Variants in MET observed in about 807,000 individuals in gnomAD.
MET encodes hepatocyte growth factor receptor.
Under a neutral mutation model 133.1 loss-of-function variants are expected in MET, and 48 were observed. The observed-to-expected ratio is 0.36, with a 90% CI of 0.29 to 0.46. MET has a LOEUF of 0.46. MET is among the 20% of genes least tolerant of loss of function. MET has a pLI of 1.00. For missense variants in MET, 1,442 were observed against 1,695.9 expected, an observed-to-expected ratio of 0.85 and a Z score of 2.63; for synonymous variants, 628 against 616.5, an observed-to-expected ratio of 1.02 and a Z score of -0.28.
chr7:116,731,347 T>C (rs7804632), intron 2 of MET, among the ~76,000 whole-genome samples: 6,534 of 152,326 alleles, frequency 0.043, 174 homozygotes, highest in African/African-American at 0.069. Flanking sequence ...GCTAGAAGCA[T>C]TACCTTTGTG....
In MET at chr7:116,672,471, C is replaced by A. The variant is rs897063794; in HGVS notation, c.-121C>A. The A allele has an allele frequency of 1.0e-5, 4 of 397,932 alleles. No homozygotes were observed. Among genetic ancestry groups the A allele is most frequent in the African/African-American group, 4.1e-5 (2 of 48,582 alleles). The allele number at this position is 397,932 out of a possible 1,614,324, so 24.7% of individuals were successfully genotyped here. A position where few individuals can be genotyped will look rare whatever the true frequency, so the allele number is the denominator to read the frequency against. On this transcript the variant is annotated 5_prime_UTR_variant, in exon 1 of 21. Coordinates refer to ENST00000397752, the MANE Select transcript of MET (RefSeq NM_000245.4). ...TGCGGAGCCGAGTGGAGGGCGCGAG[C>A]CAGATGCGGGGCGACAGCTGACTTG... is the stretch of plus-strand genomic sequence containing the variant.
At chr7:116,747,942 C>T (rs1266779693) in intron 5 of MET, among the ~76,000 whole-genome samples, 3 of 152,228 alleles carry the variant, frequency 2.0e-5, no homozygotes, top group East Asian at 1.9e-4. Flanking sequence ...AATTAGAACT[C>T]GAGTTTAAGA....
In MET at chr7:116,767,974, A is replaced by ATGTGTG. The variant is rs36013546; in HGVS notation, c.2584-1643_2584-1638dup. Reference sequence around the variant, plus strand: ...GCTTCTAATATGCATATATATATATATGTGTGTGTGTGTGTGTGTGTGTGT... The same window carrying ATGTGTG: ...GCTTCTAATATGCATATATATATATATGTGTGTGTGTGTGTGTGTGTGTGTGTGTGT... On this transcript the variant is annotated intron_variant, in intron 11 of 20. Transcript: ENST00000397752. Among the ~76,000 whole-genome samples the ATGTGTG allele has an allele frequency of 3.6e-4, 51 of 140,238 alleles. No individual in the cohort carries two copies. In the East Asian group the frequency reaches 5.1e-3, roughly 14 times the overall value. The allele number at this position is 140,238 out of a possible 152,430, so 92.0% of individuals were successfully genotyped here. A position where few individuals can be genotyped will look rare whatever the true frequency, so the allele number is the denominator to read the frequency against.
At chr7:116,729,379 T>C (rs1439279034) in intron 2 of MET, among the ~76,000 whole-genome samples, 1 of 152,214 alleles carries the variant, frequency 6.6e-6, no homozygotes, top group East Asian at 1.9e-4. Flanking sequence ...GCATTTTAGG[T>C]GGTTTTTAAT....
intron 5 of MET, among the ~76,000 whole-genome samples, chr7:116,747,569 G>A (rs1250623264): frequency 6.6e-6 from 1 of 152,168 alleles, no homozygotes; most frequent in Non-Finnish European, 1.5e-5. Context: ...ACAACCAGAA[G>A]AGCTAACTAT....
intron 11 of MET, among the ~76,000 whole-genome samples, chr7:116,768,760 A>G (rs60935558): frequency 0.017 from 2,655 of 152,240 alleles, 86 homozygotes; most frequent in African/African-American, 0.061. Context: ...TGTCACCTCA[A>G]AATAATAGCT....
intron 6 of MET, among the ~76,000 whole-genome samples, chr7:116,756,286 A>G (rs1192060925): frequency 6.6e-6 from 1 of 151,814 alleles, no homozygotes; most frequent in East Asian, 1.9e-4. Flanking sequence ...GAAATTATTC[A>G]TTATCACATA....
At chr7:116,705,229 C>T (rs1791741113) in intron 2 of MET, among the ~76,000 whole-genome samples, 1 of 152,076 alleles carries the variant, frequency 6.6e-6, no homozygotes, top group Non-Finnish European at 1.5e-5. Context: ...TAATTGCAGC[C>T]TTCCATCAGG....
At chr7:116,769,596 T>G in intron 11 of MET, 49 bp from the exon 12 acceptor site, 1 of 1,603,588 alleles carries the variant, frequency 6.2e-7, no homozygotes, top group Non-Finnish European at 8.5e-7. Flanking sequence ...TTAGCATTCC[T>G]GCAGAACTGT....
rs199761604 is a variant in MET, at chr7:116,731,771, G to A, written c.1304G>A (p.Ser435Asn). 3 of 1,614,128 alleles carry A rather than the reference G, an allele frequency of 1.9e-6. No individual in the cohort carries two copies. Among genetic ancestry groups the A allele is most frequent in the South Asian group, 2.2e-5 (2 of 91,084 alleles). Residue 435 changes from serine to asparagine, a missense_variant, in exon 3 of 21, where the codon AGC becomes AAC. Physicochemically the swap from Ser to Asn is conservative, Grantham distance 46. Coordinates refer to ENST00000397752, the MANE Select transcript of MET (RefSeq NM_000245.4). ...GTTGACTTATTCATGGGTCAATTCA[G>A]CGAAGTCCTCTTAACATCTATATCC... ...QRVDLFMGQF[S>N]EVLLTSISTF...
chr7:116,788,883 G>T (rs1562938432), intron 19 of MET, among the ~76,000 whole-genome samples: 1 of 152,102 alleles, frequency 6.6e-6, no homozygotes, highest in Non-Finnish European at 1.5e-5. Context: ...TACTCTTTAA[G>T]TCCATTCAAA....
At chr7:116,760,032 C>G (rs959979677) in intron 10 of MET, among the ~76,000 whole-genome samples, 1 of 152,196 alleles carries the variant, frequency 6.6e-6, no homozygotes, top group Non-Finnish European at 1.5e-5. Flanking sequence ...CCACCTCGGC[C>G]TCCCAAAGTG....
intron 3 of MET, among the ~76,000 whole-genome samples, chr7:116,732,236 G>A (rs974266720): frequency 1.3e-5 from 2 of 152,140 alleles, no homozygotes; most frequent in Non-Finnish European, 2.9e-5. Context: ...TGTGAACCAT[G>A]CATCTTCATG....
intron 1 of MET, among the ~76,000 whole-genome samples, chr7:116,691,050 G>C (rs1334178056): frequency 6.6e-6 from 1 of 152,168 alleles, no homozygotes; most frequent in East Asian, 1.9e-4. Context: ...ACTCTGGCAA[G>C]TCTTCCTGGA....
chr7:116,723,554 C>T lies in MET; in HGVS notation c.1201-8114C>T, dbSNP rs1348308327. On this transcript the variant is annotated intron_variant, in intron 2 of 20. Coordinates refer to ENST00000397752, the MANE Select transcript of MET (RefSeq NM_000245.4). The stretch of plus-strand genomic sequence containing the variant: ...CTGCGTTCCTTTGGAGGAGGAGAGG[C>T]GCTCTGCGTTTTAGAGTTTCCAGTT... Among the ~76,000 whole-genome samples the T allele has an allele frequency of 3.3e-5, 5 of 152,158 alleles. No individual in the cohort carries two copies. In the East Asian group the frequency reaches 5.8e-4, roughly 18 times the overall value.
At chr7:116,711,757 G>A (rs756185039) in intron 2 of MET, among the ~76,000 whole-genome samples, 2 of 152,018 alleles carry the variant, frequency 1.3e-5, no homozygotes, top group African/African-American at 2.4e-5. Context: ...TTTGTTAAGA[G>A]CAAACCTATT....
chr7:116,681,366 G>T (rs908574113), intron 1 of MET, among the ~76,000 whole-genome samples: 1 of 151,932 alleles, frequency 6.6e-6, no homozygotes, highest in Non-Finnish European at 1.5e-5. Flanking sequence ...AAATATTCTA[G>T]CATATCTAGC....
chr7:116,673,637 A>G (rs963037610), intron 1 of MET, among the ~76,000 whole-genome samples: 1 of 152,228 alleles, frequency 6.6e-6, no homozygotes, highest in African/African-American at 2.4e-5. Flanking sequence ...GAAAAACATT[A>G]TATTCCCTTA....
intron 1 of MET, among the ~76,000 whole-genome samples, chr7:116,687,024 A>G (rs1796586943): frequency 6.6e-6 from 1 of 152,220 alleles, no homozygotes; most frequent in Non-Finnish European, 1.5e-5. Flanking sequence ...ACACCTTTAC[A>G]GCACAGCCTG....
Sources: gnomAD v4.1 joint callset for allele counts (sites outside exome capture counted in the v4.1 genomes callset) on GRCh38, gnomAD v4.1.1 for gene constraint, MANE v1.5 for transcripts, NCBI Gene and HGNC (gene_info 2026-07-23, HGNC 2026-07-21) for gene names.